MYO1E: variants seen among roughly 807,000 people sequenced by gnomAD.
The protein encoded by MYO1E is unconventional myosin-Ie.
A neutral mutation model predicts 151.1 loss-of-function variants in MYO1E; 68 were observed. The observed-to-expected ratio is 0.45, with a 90% CI of 0.37 to 0.55. The LOEUF is 0.55. Among genes scored for constraint, MYO1E ranks in the 20% least tolerant of loss-of-function variants. The pLI, the probability that MYO1E is intolerant of heterozygous loss-of-function variation, is 0.00. For missense variants in MYO1E, 1,363 were observed against 1,389.3 expected (o/e 0.98, Z 0.30); for synonymous variants, 601 against 501.7 (o/e 1.20, Z -2.64).
intron 18 of MYO1E, among the ~76,000 whole-genome samples, chr15:59,185,472 G>A (rs1472180854): frequency 6.6e-6 from 1 of 152,162 alleles, no homozygotes; most frequent in Non-Finnish European, 1.5e-5. Flanking sequence ...TCACCATGTT[G>A]GCCAGGCTGG....
intron 14 of MYO1E, chr15:59,207,353 C>A: frequency 6.2e-7 from 1 of 1,614,036 alleles, no homozygotes; most frequent in Non-Finnish European, 8.5e-7. Flanking sequence ...ACAGCAAACT[C>A]CAACCTAGTG....
intron 14 of MYO1E, chr15:59,207,541 G>A: frequency 6.2e-7 from 1 of 1,614,040 alleles, no homozygotes; most frequent in Non-Finnish European, 8.5e-7. Flanking sequence ...GAAGTTGAGT[G>A]CATTTCCCAA....
rs1346378349 is a variant in MYO1E at position 59,136,768 on chromosome 15, AGCCCCTG to A, written c.*605_*611del. Reference sequence around the variant, plus strand: ...GCCAGCAGCCCAGCCCCCAGCCCCCAGCCCCTGACCTGCTTGGCGGCCCTGATGGTCC... The same window carrying A: ...GCCAGCAGCCCAGCCCCCAGCCCCCAACCTGCTTGGCGGCCCTGATGGTCC... On this transcript the variant is annotated 3_prime_UTR_variant, in exon 28 of 28. Coordinates refer to ENST00000288235, the MANE Select transcript of MYO1E (RefSeq NM_004998.4). The A allele has an allele frequency of 4.4e-6, 2 of 455,146 alleles. No individual in the cohort carries two copies. The highest frequency in any genetic ancestry group is 8.8e-6 in the Non-Finnish European group (2 of 226,784). 28.2% of individuals were successfully genotyped at this position (455,146 alleles called of 1,614,324 possible). A position where few individuals can be genotyped will look rare whatever the true frequency, so the allele number is the denominator to read the frequency against.
At chr15:59,202,872 G>C (rs894458641) in intron 15 of MYO1E, among the ~76,000 whole-genome samples, 8 of 152,112 alleles carry the variant, frequency 5.3e-5, no homozygotes, top group African/African-American at 1.7e-4. Flanking sequence ...CTCCTGAGTA[G>C]CTGGCACTAT....
intron 19 of MYO1E, among the ~76,000 whole-genome samples, chr15:59,175,095 G>A (rs1437703659): frequency 1.3e-5 from 2 of 152,196 alleles, no homozygotes; most frequent in Non-Finnish European, 2.9e-5. Context: ...CGCATACTCT[G>A]TCATCTCTAT....
intron 1 of MYO1E, among the ~76,000 whole-genome samples, chr15:59,325,997 A>G (rs1326013328): frequency 6.6e-6 from 1 of 152,200 alleles, no homozygotes; most frequent in East Asian, 1.9e-4. Context: ...TACGACATTT[A>G]AAGTAATGGG....
Position 59,191,017 on chromosome 15 carries a change from C to T in MYO1E, c.1806-2801G>A, listed in dbSNP as rs193181736. ...CAGGAGGAGGGGGACAGATGAAGCT[C>T]GAAGTGGGGGTGCAACCTTGGCTGA... On this transcript the variant is annotated intron_variant, in intron 17 of 27. Transcript: ENST00000288235. 4.3e-4 allele frequency among the ~76,000 whole-genome samples: 66 copies of T among 151,878 alleles called. No individual in the cohort carries two copies. In the East Asian group the frequency reaches 9.9e-3, roughly 23 times the overall value.
chr15:59,356,657 A>T (rs1347705999), intron 1 of MYO1E, among the ~76,000 whole-genome samples: 8 of 152,080 alleles, frequency 5.3e-5, no homozygotes, highest in African/African-American at 1.7e-4. Flanking sequence ...GGCTCACTGC[A>T]CCCTCTGCCT....
chr15:59,267,019 CTTTTTTTTTTTTT>C (rs34469748), intron 2 of MYO1E: 2 of 47,310 alleles, frequency 4.2e-5, no homozygotes, highest in African/African-American at 8.7e-5. Context: ...CTTTTAAAAT[CTTTTTTTTTTTTT>C]TTTTTTTTTT....
rs1596406844 is a variant in MYO1E at position 59,300,452 on chromosome 15, G to A, written c.4-28003C>T. Among the ~76,000 whole-genome samples, 6 of 152,190 alleles carry A rather than the reference G, an allele frequency of 3.9e-5. No individual in the cohort carries two copies. The South Asian group carries it at 1.2e-3, about 32-fold the overall frequency. On this transcript the variant is annotated intron_variant, in intron 1 of 27. Coordinates refer to ENST00000288235, the MANE Select transcript of MYO1E (RefSeq NM_004998.4). ...TACTTCTAGAGGCTTAGAACCACTG[G>A]ACACTCCCACAAACATCTTCAGACA...
At chr15:59,162,659 G>GA (rs56116339) in intron 23 of MYO1E, among the ~76,000 whole-genome samples, 268 of 120,896 alleles carry the variant, frequency 2.2e-3, no homozygotes, top group Middle Eastern at 4.1e-3. Flanking sequence ...AAAAAAAAAA[G>GA]AAAAAAAAAA....
At chr15:59,216,042 T>C (rs2079911921) in intron 10 of MYO1E, among the ~76,000 whole-genome samples, 1 of 152,172 alleles carries the variant, frequency 6.6e-6, no homozygotes, top group Non-Finnish European at 1.5e-5. Flanking sequence ...CTAAAGTACC[T>C]AGAATAGTTC....
At chr15:59,234,396 G>C (rs768734187) in intron 5 of MYO1E, among the ~76,000 whole-genome samples, 2 of 152,130 alleles carry the variant, frequency 1.3e-5, no homozygotes, top group African/African-American at 4.8e-5. Context: ...AGAAGCTGTC[G>C]TTAAATGGTA....
intron 1 of MYO1E, among the ~76,000 whole-genome samples, chr15:59,354,436 T>C (rs1196694277): frequency 5.3e-5 from 8 of 152,176 alleles, no homozygotes; most frequent in African/African-American, 1.9e-4. Context: ...AATCTAGCAG[T>C]GATCTTTCAT....
At chr15:59,314,299 T>C (rs1318566415) in intron 1 of MYO1E, among the ~76,000 whole-genome samples, 1 of 152,216 alleles carries the variant, frequency 6.6e-6, no homozygotes, top group East Asian at 1.9e-4. Flanking sequence ...GAGAATAAAC[T>C]TGAGAAAACA....
chr15:59,252,041 T>C (rs1037055781), intron 4 of MYO1E, among the ~76,000 whole-genome samples: 3 of 152,216 alleles, frequency 2.0e-5, no homozygotes, highest in Non-Finnish European at 4.4e-5. Flanking sequence ...TAATTGCTAA[T>C]GTAATCAGGA....
intron 17 of MYO1E, among the ~76,000 whole-genome samples, chr15:59,191,435 C>G (rs1484516822): frequency 2.0e-5 from 3 of 149,782 alleles, no homozygotes; most frequent in Admixed American, 2.0e-4. Flanking sequence ...TTTCTCTCAC[C>G]CTCCAAATCT....
chr15:59,372,216 C>G (rs2080950354), intron 1 of MYO1E, among the ~76,000 whole-genome samples: 1 of 152,088 alleles, frequency 6.6e-6, no homozygotes, highest in African/African-American at 2.4e-5. Flanking sequence ...GATGCGCCCA[C>G]ACCCTGGCTT....
At chr15:59,233,668 A>G (rs915620711) in intron 5 of MYO1E, among the ~76,000 whole-genome samples, 1 of 144,962 alleles carries the variant, frequency 6.9e-6, no homozygotes. Flanking sequence ...GTCTAAAAAA[A>G]AAAAAAAAAA....
Sources: allele counts gnomAD v4.1 joint callset (sites outside exome capture counted in the v4.1 genomes callset), GRCh38; gene constraint gnomAD v4.1.1; transcripts MANE v1.5; gene names NCBI Gene and HGNC (gene_info 2026-07-23, HGNC 2026-07-21).